Variants in LINGO2 observed in about 807,000 individuals in gnomAD.
The protein encoded by LINGO2 is leucine-rich repeat and immunoglobulin-like domain-containing nogo receptor-interacting protein 2.
Under a neutral mutation model 30.6 loss-of-function variants are expected in LINGO2, and 14 were observed. That is an observed-to-expected ratio of 0.46 (90% confidence interval 0.30 to 0.72). The LOEUF (loss-of-function observed/expected upper bound fraction) is 0.72. Ranked by LOEUF, LINGO2 falls within the 30% of genes least tolerant of loss-of-function variation. The pLI is 0.07. For synonymous variants in LINGO2, 317 were observed against 288.5 expected (o/e 1.10, Z -1.00); for missense variants, 729 against 751.7 (o/e 0.97, Z 0.35).
chr9:28,575,927 TACACACACACAC>T (rs3065641), intron 1 of LINGO2, among the ~76,000 whole-genome samples: 1 of 149,422 alleles, frequency 6.7e-6, no homozygotes, highest in Non-Finnish European at 1.5e-5. Context: ...AGCCTTGAAA[TACACACACACAC>T]ACACACACAC....
the LINGO2 span, among the ~76,000 whole-genome samples, chr9:29,140,065 T>C: frequency 6.6e-6 from 1 of 152,140 alleles, no homozygotes; most frequent in Non-Finnish European, 1.5e-5. Flanking sequence ...TCAGAATCTC[T>C]AGTATACCTC....
intron 4 of LINGO2, among the ~76,000 whole-genome samples, chr9:28,057,550 TAA>T (rs1563949536): frequency 2.7e-4 from 24 of 89,696 alleles, no homozygotes; most frequent in African/African-American, 9.4e-4. Flanking sequence ...CATATGTATA[TAA>T]GTATATATAT....
At chr9:28,765,635 G>C in the LINGO2 span, among the ~76,000 whole-genome samples, 4 of 152,012 alleles carry the variant, frequency 2.6e-5, no homozygotes, top group Non-Finnish European at 5.9e-5. Context: ...ATGCTTCTTT[G>C]CATGTGTCTA....
the LINGO2 span, among the ~76,000 whole-genome samples, chr9:29,024,466 T>G: frequency 6.6e-6 from 1 of 152,106 alleles, no homozygotes; most frequent in Non-Finnish European, 1.5e-5. Context: ...AATTTAGACT[T>G]AATGACATCA....
intron 2 of LINGO2, among the ~76,000 whole-genome samples, chr9:28,387,454 T>C (rs373659093): frequency 2.2e-4 from 33 of 152,326 alleles, no homozygotes; most frequent in East Asian, 1.4e-3. Flanking sequence ...GAATAAAAGC[T>C]GGCCACTGGA....
the LINGO2 span, among the ~76,000 whole-genome samples, chr9:28,875,239 G>T: frequency 0.15 from 22,100 of 151,874 alleles, 1,764 homozygotes; most frequent in East Asian, 0.3. Flanking sequence ...ATGTTTACCT[G>T]TATACAACAC....
intron 4 of LINGO2, among the ~76,000 whole-genome samples, chr9:28,236,710 T>C (rs1821579406): frequency 6.6e-6 from 1 of 151,878 alleles, no homozygotes; most frequent in Admixed American, 6.6e-5. Context: ...ACATAATAAA[T>C]ACAAGGATGT....
intron 4 of LINGO2, among the ~76,000 whole-genome samples, chr9:28,259,234 A>G (rs1351947202): frequency 1.3e-5 from 2 of 152,000 alleles, no homozygotes; most frequent in African/African-American, 4.8e-5. Context: ...TAGGAACCAC[A>G]GAGGTGCCTA....
rs140823252 is a variant in LINGO2, at chr9:28,658,523, T to C, written c.-365+11677A>G. Among the ~76,000 whole-genome samples the C allele has an allele frequency of 8.1e-3, 1,227 of 152,230 alleles. 11 individuals are homozygous for C. Among genetic ancestry groups the C allele is most frequent in the African/African-American group, 0.028 (1,149 of 41,558 alleles). On this transcript the variant is annotated intron_variant, in intron 1 of 5. Coordinates refer to ENST00000379992, the Ensembl canonical transcript of LINGO2. ...TTTTAACCTTTAACAATTTTTTACTTAAAATATATTTTGTCTGATATTAAT... is the reference window on the plus strand; with the variant it reads ...TTTTAACCTTTAACAATTTTTTACTCAAAATATATTTTGTCTGATATTAAT...
At chr9:28,494,251 G>A (rs569465151) in intron 1 of LINGO2, among the ~76,000 whole-genome samples, 39 of 151,820 alleles carry the variant, frequency 2.6e-4, no homozygotes, top group African/African-American at 9.4e-4. Context: ...AAGCACTAGG[G>A]TACATGTACA....
chr9:28,401,994 T>C lies in LINGO2; in HGVS notation c.-278-29126A>G, dbSNP rs1282119880. Among the ~76,000 whole-genome samples the C allele has an allele frequency of 4.6e-5, 7 of 152,172 alleles. 1 individual carries two copies. In the East Asian group the frequency reaches 7.7e-4, roughly 17 times the overall value. On this transcript the variant is annotated intron_variant, in intron 2 of 5. Transcript: ENST00000379992. ...CTTTTGATGGGGTTGTGTTTTTTTC[T>C]TGTAAATATATTTAAGTGTTCTTTA...
At chr9:28,594,493 C>A (rs142075909) in intron 1 of LINGO2, among the ~76,000 whole-genome samples, 1 of 152,018 alleles carries the variant, frequency 6.6e-6, no homozygotes, top group African/African-American at 2.4e-5. Context: ...TAAGGGGATG[C>A]CTAGTTGTAC....
At chr9:28,047,166 G>T (rs1824460765) in intron 4 of LINGO2, among the ~76,000 whole-genome samples, 1 of 152,120 alleles carries the variant, frequency 6.6e-6, no homozygotes, top group Admixed American at 6.6e-5. Flanking sequence ...GGTATTGCAA[G>T]GGTGGAGATG....
chr9:28,452,676 C>T (rs1051598858), intron 2 of LINGO2, among the ~76,000 whole-genome samples: 8 of 151,732 alleles, frequency 5.3e-5, no homozygotes, highest in African/African-American at 1.9e-4. Context: ...GAAGTGATTA[C>T]ATCTGTTGGT....
chr9:28,799,746 T>C, the LINGO2 span, among the ~76,000 whole-genome samples: 6,896 of 152,178 alleles, frequency 0.045, 219 homozygotes, highest in Non-Finnish European at 0.07. Context: ...GTGAGGCAGA[T>C]AAAAAGCATT....
the LINGO2 span, among the ~76,000 whole-genome samples, chr9:29,201,693 C>T: frequency 0.17 from 25,704 of 151,864 alleles, 2,325 homozygotes; most frequent in East Asian, 0.38. Context: ...TAAATTATTT[C>T]ATTTAAGATT....
chr9:28,147,279 G>T lies in LINGO2; in HGVS notation c.-86-134874C>A, dbSNP rs1362737719. Among the ~76,000 whole-genome samples, 1 of 152,214 alleles carries T rather than the reference G, an allele frequency of 6.6e-6. No homozygotes were observed. Among genetic ancestry groups the T allele is most frequent in the Non-Finnish European group, 1.5e-5 (1 of 68,032 alleles). On this transcript the variant is annotated intron_variant, in intron 4 of 5. Coordinates refer to ENST00000379992, the Ensembl canonical transcript of LINGO2. This position sits in a 1 kb window ranked among gnomAD's most constrained non-coding sequence, Gnocchi z 4.7. Reference sequence around the variant, plus strand: ...CGCCAGCTGTGGAATCGCACAGCCTGGGTTCAAAGCCTGGCTGGGCCATGA... The same window carrying T: ...CGCCAGCTGTGGAATCGCACAGCCTTGGTTCAAAGCCTGGCTGGGCCATGA...
intron 2 of LINGO2, among the ~76,000 whole-genome samples, chr9:28,429,754 T>C (rs1228419027): frequency 1.3e-5 from 2 of 152,210 alleles, no homozygotes; most frequent in East Asian, 1.9e-4. Context: ...TCTTCTCTTT[T>C]ATGGCTTCTT....
the LINGO2 span, among the ~76,000 whole-genome samples, chr9:28,927,001 G>GT: frequency 6.6e-6 from 1 of 151,988 alleles, no homozygotes; most frequent in Non-Finnish European, 1.5e-5. Context: ...AGCACCTGCT[G>GT]TTTTTTCTTC....
Sources: gnomAD v4.1 joint callset for allele counts (sites outside exome capture counted in the v4.1 genomes callset) on GRCh38, gnomAD v4.1.1 for gene constraint, Gnocchi (gnomAD v3.1) non-coding constraint, MANE v1.5 for transcripts, NCBI Gene and HGNC (gene_info 2026-07-23, HGNC 2026-07-21) for gene names.